Variants in AKNAD1 observed in about 807,000 individuals in gnomAD.
AKNAD1 encodes the protein AKNA domain containing 1.
Under a neutral mutation model 90.8 loss-of-function variants are expected in AKNAD1, and 67 were observed. That is an observed-to-expected ratio of 0.74 (90% CI 0.61 to 0.90). The LOEUF (loss-of-function observed/expected upper bound fraction) is 0.90. Among genes scored for constraint, AKNAD1 ranks in the 40% least tolerant of loss-of-function variants. The pLI is 0.00. For synonymous variants in AKNAD1, 327 were observed against 341.4 expected (o/e 0.96, Z 0.46); for missense variants, 957 against 975.4 (o/e 0.98, Z 0.25).
At chr1:108,831,794 T>A (rs1475534868) in intron 9 of AKNAD1, among the ~76,000 whole-genome samples, 1 of 152,046 alleles carries the variant, frequency 6.6e-6, no homozygotes. Flanking sequence ...CCCCAGCTAA[T>A]TTTTTGTATT....
In AKNAD1 at chr1:108,849,566, A is replaced by C. The variant is rs767364696; in HGVS notation, c.1004T>G (p.Ile335Arg). The change falls in exon 3 of 16, where the codon ATA (isoleucine) becomes AGA (arginine). Residue 335 changes from isoleucine (I) to arginine (R), a missense_variant. Ile to Arg is a moderately conservative substitution (Grantham distance 97). Coordinates refer to ENST00000370001, the MANE Select transcript of AKNAD1 (RefSeq NM_152763.5). ...EPSQQIQMEP[I>R]VHIHQELLTG... ...GAGAAGTTCTTGGTGGATATGTACT[A>C]TGGGCTCCATCTGCACAATTAAAGG... 6.3e-7 allele frequency: 1 copy of C among 1,596,952 alleles called. No individual in the cohort carries two copies. The highest frequency in any genetic ancestry group is 1.1e-5 in the South Asian group (1 of 90,758).
Position 108,830,632 on chromosome 1 carries a change from G to A in AKNAD1, c.1765C>T (p.Pro589Ser), listed in dbSNP as rs1664164892. The change falls in exon 10 of 16, where the codon CCA (proline) becomes TCA (serine). Residue 589 changes from proline to serine, a missense_variant. Coordinates refer to ENST00000370001, the MANE Select transcript of AKNAD1 (RefSeq NM_152763.5). The stretch of plus-strand genomic sequence containing the variant: ...ATCTCTGCACAATCCTGCCTTCTTG[G>A]AGTGCCGTTGGGATCCTCCTGCGCC... ...SNSGEDPNGT[P>S]RRQDCAEMTA... is the part of the protein sequence containing the mutation. 1.9e-6 allele frequency: 3 copies of A among 1,613,976 alleles called. No individual in the cohort carries two copies. Among genetic ancestry groups the A allele is most frequent in the Admixed American group, 1.7e-5 (1 of 60,000 alleles).
chr1:108,818,521 T>A (rs1161449631), intron 14 of AKNAD1, among the ~76,000 whole-genome samples: 1 of 152,204 alleles, frequency 6.6e-6, no homozygotes, highest in Non-Finnish European at 1.5e-5. Context: ...TGAGTACTTA[T>A]TATGAGCCTG....
intron 2 of AKNAD1, among the ~76,000 whole-genome samples, chr1:108,850,838 C>T (rs1305777374): frequency 6.6e-6 from 1 of 152,052 alleles, no homozygotes; most frequent in Non-Finnish European, 1.5e-5. Flanking sequence ...TACTATTGGG[C>T]CTCAAACATC....
intron 5 of AKNAD1, among the ~76,000 whole-genome samples, chr1:108,845,298 T>C (rs1042935470): frequency 6.6e-6 from 1 of 152,122 alleles, no homozygotes; most frequent in South Asian, 2.1e-4. Context: ...CTTTGGTTGG[T>C]TTTAGTCGAT....
chr1:108,816,206 T>C lies in AKNAD1; in HGVS notation c.2476A>G (p.Lys826Glu). ...AGTCGATTCCTCCACCTCTGTGCTT[T>C]AGCAAGGTCTTCTGCAATCGTTTTA... Reference protein sequence around the residue: ...MIKTIAEDLAKAQRWRNRLKY With the variant: ...MIKTIAEDLAEAQRWRNRLKY Residue 826 changes from lysine to glutamate, a missense_variant, in exon 16 of 16, where the codon AAA (lysine) becomes GAA (glutamate). Lys to Glu is a moderately conservative substitution (Grantham distance 56). Coordinates refer to ENST00000370001, the MANE Select transcript of AKNAD1 (RefSeq NM_152763.5). 6.2e-7 allele frequency: 1 copy of C among 1,613,410 alleles called. No individual in the cohort carries two copies. The highest frequency in any genetic ancestry group is 2.2e-5 in the East Asian group (1 of 44,808).
At chr1:108,836,810 C>G (rs1386724787) in intron 7 of AKNAD1, 1 of 152,106 alleles carries the variant, frequency 6.6e-6, no homozygotes, top group Non-Finnish European at 1.5e-5. Context: ...GCTACAAAGG[C>G]AAAAAGTATA....
At chr1:108,855,162 C>G (rs1034385769) in intron 1 of AKNAD1, among the ~76,000 whole-genome samples, 2 of 152,126 alleles carry the variant, frequency 1.3e-5, no homozygotes, top group Non-Finnish European at 2.9e-5. Flanking sequence ...GCCTGTAATC[C>G]CAGCACTTTG....
At chr1:108,821,220 G>C (rs1570792299) in intron 13 of AKNAD1, among the ~76,000 whole-genome samples, 1 of 152,198 alleles carries the variant, frequency 6.6e-6, no homozygotes, top group South Asian at 2.1e-4. Context: ...GGAGGCCGAG[G>C]TGGGCACATC....
At chr1:108,830,412 G>C in intron 10 of AKNAD1, 147 bp downstream of exon 10, 1 of 690,070 alleles carries the variant, frequency 1.4e-6, no homozygotes, top group South Asian at 1.8e-5. Context: ...GGGTGCGAGG[G>C]AGGCTGGGCT....
chr1:108,823,959 A>G (rs1424780194), intron 11 of AKNAD1, among the ~76,000 whole-genome samples: 1 of 152,234 alleles, frequency 6.6e-6, no homozygotes, highest in East Asian at 1.9e-4. Flanking sequence ...GGTCTGCTGA[A>G]TGAATGGATC....
chr1:108,819,455 C>CAAAAAAAAA (rs34501326), intron 14 of AKNAD1, among the ~76,000 whole-genome samples: 1 of 130,376 alleles, frequency 7.7e-6, no homozygotes, highest in Non-Finnish European at 1.6e-5. Flanking sequence ...CCATCTCTAC[C>CAAAAAAAAA]AAAAAAAAAA....
At chr1:108,843,079 C>A in intron 6 of AKNAD1, 55 bp downstream of exon 6, 1 of 1,591,268 alleles carries the variant, frequency 6.3e-7, no homozygotes, top group Non-Finnish European at 8.6e-7. Context: ...CAGAATCCCA[C>A]CTGAAGGAGA....
intron 2 of AKNAD1, among the ~76,000 whole-genome samples, chr1:108,850,828 T>C (rs187676116): frequency 1.4e-4 from 22 of 152,244 alleles, no homozygotes; most frequent in Admixed American, 5.2e-4. Flanking sequence ...GGATTTACCT[T>C]ACTATTGGGC....
At chr1:108,843,309 G>A (rs1174329069) in intron 5 of AKNAD1, 42 bp from the exon 6 acceptor site, 5 of 1,607,110 alleles carry the variant, frequency 3.1e-6, no homozygotes, top group East Asian at 4.5e-5. Context: ...ATGCAAGCCT[G>A]TGTGTGTAAT....
rs1664902867 is a variant in AKNAD1, at chr1:108,852,580, C to G, written c.85G>C (p.Gly29Arg). Reference protein sequence around the residue: ...YDGDLSQIKIGNDYSFTSKKD... With the variant: ...YDGDLSQIKIRNDYSFTSKKD... ...TTTGAGGTAAAACTGTAATCATTGCCTATCTTAATCTGAGAGAGGTCCCCA... is the reference window on the plus strand; with the variant it reads ...TTTGAGGTAAAACTGTAATCATTGCGTATCTTAATCTGAGAGAGGTCCCCA... Residue 29 changes from glycine (G) to arginine (R), a missense_variant, in exon 2 of 16, where the codon GGC (glycine) becomes CGC (arginine). Coordinates refer to ENST00000370001, the MANE Select transcript of AKNAD1 (RefSeq NM_152763.5). The G allele has an allele frequency of 6.2e-7, 1 of 1,612,698 alleles. No individual in the cohort carries two copies. The highest frequency in any genetic ancestry group is 8.5e-7 in the Non-Finnish European group (1 of 1,179,630).
At chr1:108,836,393 A>T (rs757238270) in intron 7 of AKNAD1, among the ~76,000 whole-genome samples, 24 of 151,128 alleles carry the variant, frequency 1.6e-4, no homozygotes, top group Non-Finnish European at 3.4e-4. Context: ...GGATTCAAAG[A>T]TGAGTGCAGA....
At chr1:108,840,222 A>G (rs567243210) in intron 6 of AKNAD1, among the ~76,000 whole-genome samples, 2 of 152,338 alleles carry the variant, frequency 1.3e-5, no homozygotes, top group African/African-American at 4.8e-5. Context: ...TAAGACAATC[A>G]ACTAAAAAAT....
At chr1:108,849,231 A>C (rs898960423) in intron 3 of AKNAD1, among the ~76,000 whole-genome samples, 171 bp from the exon 4 acceptor site, 5 of 152,206 alleles carry the variant, frequency 3.3e-5, no homozygotes, top group Non-Finnish European at 7.3e-5. Flanking sequence ...CTGTAATCCC[A>C]GCACTTTGGG....
Sources: gnomAD v4.1 joint callset for allele counts (sites outside exome capture counted in the v4.1 genomes callset) on GRCh38, gnomAD v4.1.1 for gene constraint, MANE v1.5 for transcripts, NCBI Gene and HGNC (gene_info 2026-07-23, HGNC 2026-07-21) for gene names.